The following SPAG9 variants were observed in gnomAD, a reference collection of about 807,000 sequenced individuals.
SPAG9 encodes C-Jun-amino-terminal kinase-interacting protein 4.
Under a neutral mutation model 166.5 loss-of-function variants are expected in SPAG9, and 35 were observed. That is an observed-to-expected ratio of 0.21 (90% CI 0.16 to 0.28). SPAG9 has a LOEUF of 0.28. SPAG9 is among the 10% of genes least tolerant of loss of function. The pLI, the probability that SPAG9 is intolerant of heterozygous loss-of-function variation, is 1.00. For missense variants in SPAG9, 1,235 were observed against 1,603.3 expected, an observed-to-expected ratio of 0.77 and a Z score of 3.92; for synonymous variants, 534 against 565.5, an observed-to-expected ratio of 0.94 and a Z score of 0.79.
intron 6 of SPAG9, among the ~76,000 whole-genome samples, chr17:51,026,954 A>T (rs2046204992): frequency 6.6e-6 from 1 of 151,768 alleles, no homozygotes; most frequent in African/African-American, 2.4e-5. Context: ...GGGTTTAGAG[A>T]TGTGAGCCAC....
At chr17:50,990,907 CTTT>C (rs893608311) in intron 19 of SPAG9, among the ~76,000 whole-genome samples, 223 of 136,910 alleles carry the variant, frequency 1.6e-3, no homozygotes, top group African/African-American at 5.7e-3. Flanking sequence ...AGAAAATAAA[CTTT>C]TTTTTTTTTT....
At chr17:50,970,356 A>C (rs766513290) in intron 29 of SPAG9, among the ~76,000 whole-genome samples, 1 of 152,066 alleles carries the variant, frequency 6.6e-6, no homozygotes, top group Non-Finnish European at 1.5e-5. Flanking sequence ...TCTACTGAAA[A>C]TACAGAAACT....
At chr17:50,993,095 CAA>C (rs71149332) in intron 19 of SPAG9, among the ~76,000 whole-genome samples, 929 of 75,496 alleles carry the variant, frequency 0.012, 6 homozygotes, top group African/African-American at 0.048. Flanking sequence ...GACTCCATCT[CAA>C]AAAAAAAAAA....
At chr17:51,094,180 G>A (rs1020134812) in intron 1 of SPAG9, among the ~76,000 whole-genome samples, 5 of 152,120 alleles carry the variant, frequency 3.3e-5, no homozygotes, top group African/African-American at 4.8e-5. Flanking sequence ...TGAAATCTGG[G>A]TTGCCAAGAG....
At chr17:50,984,121 T>C (rs760784437) in intron 24 of SPAG9, among the ~76,000 whole-genome samples, 2 of 152,170 alleles carry the variant, frequency 1.3e-5, no homozygotes, top group African/African-American at 2.4e-5. Context: ...TACGGAGGAA[T>C]ACATACTAAA....
chr17:51,013,291 G>A (rs947377099), intron 9 of SPAG9, among the ~76,000 whole-genome samples: 3 of 152,014 alleles, frequency 2.0e-5, no homozygotes, highest in Non-Finnish European at 4.4e-5. Context: ...TTTCTATAGG[G>A]TCCTAAGTTA....
chr17:51,102,659 C>T (rs1484991722), intron 1 of SPAG9, among the ~76,000 whole-genome samples: 1 of 151,824 alleles, frequency 6.6e-6, no homozygotes, highest in Non-Finnish European at 1.5e-5. Context: ...TGCACCACCA[C>T]ACCTGGCTAA....
chr17:51,079,462 C>A, intron 2 of SPAG9, 122 bp downstream of exon 2: 1 of 829,846 alleles, frequency 1.2e-6, no homozygotes, highest in South Asian at 1.9e-5. Flanking sequence ...TGGTCTTGAA[C>A]TCCTGAACCC....
intron 15 of SPAG9, 63 bp downstream of exon 15, chr17:50,998,381 C>G (rs925217703): frequency 9.0e-5 from 131 of 1,447,544 alleles, no homozygotes; most frequent in Admixed American, 1.5e-4. Context: ...TGATAAGAGG[C>G]CAAGAATATT....
intron 12 of SPAG9, among the ~76,000 whole-genome samples, chr17:51,004,738 A>C (rs2045123874): frequency 6.6e-6 from 1 of 152,170 alleles, no homozygotes; most frequent in Non-Finnish European, 1.5e-5. Flanking sequence ...TCAAAAAAAA[A>C]GACTAGGGGT....
At chr17:51,085,958 C>CTTT (rs1568073666) in intron 1 of SPAG9, among the ~76,000 whole-genome samples, 3 of 120,404 alleles carry the variant, frequency 2.5e-5, no homozygotes, top group African/African-American at 3.3e-5. Flanking sequence ...TCTTGGAAAT[C>CTTT]ATTTTTTTTT....
intron 1 of SPAG9, among the ~76,000 whole-genome samples, chr17:51,119,599 A>G (rs559753459): frequency 6.8e-4 from 103 of 152,306 alleles, no homozygotes; most frequent in Non-Finnish European, 1.1e-3. Context: ...AAGGAAACTC[A>G]GACGGAAAAA....
chr17:51,016,486 T>C (rs558630249), intron 8 of SPAG9, among the ~76,000 whole-genome samples: 1 of 152,356 alleles, frequency 6.6e-6, no homozygotes, highest in East Asian at 1.9e-4. Context: ...TTTGGTCATA[T>C]TGGGGACTTT....
chr17:51,115,573 G>C (rs563456267), intron 1 of SPAG9, among the ~76,000 whole-genome samples: 1 of 152,046 alleles, frequency 6.6e-6, no homozygotes, highest in Non-Finnish European at 1.5e-5. Flanking sequence ...GTTCACAGTG[G>C]CAATCCCAGC....
chr17:50,994,696 C>T (rs1290318702), intron 18 of SPAG9, among the ~76,000 whole-genome samples: 1 of 152,136 alleles, frequency 6.6e-6, no homozygotes, highest in Non-Finnish European at 1.5e-5. Context: ...CTGCAGTGAG[C>T]CATGATCATG....
At chr17:51,113,175 GAA>G (rs2049171988) in intron 1 of SPAG9, among the ~76,000 whole-genome samples, 1 of 147,710 alleles carries the variant, frequency 6.8e-6, no homozygotes, top group Non-Finnish European at 1.5e-5. Flanking sequence ...CCAACATGGA[GAA>G]ACCCCATCTT....
chr17:51,002,828 C>T (rs1216542272), intron 12 of SPAG9, among the ~76,000 whole-genome samples: 3 of 152,024 alleles, frequency 2.0e-5, no homozygotes, highest in Middle Eastern at 3.2e-3. Context: ...CGATGGTCCA[C>T]GCCTATAATC....
chr17:51,119,308 T>A (rs1484830102), intron 1 of SPAG9, among the ~76,000 whole-genome samples: 1 of 152,200 alleles, frequency 6.6e-6, no homozygotes, highest in Non-Finnish European at 1.5e-5. Context: ...CCTTCAATAA[T>A]TAGTTATTTC....
intron 2 of SPAG9, among the ~76,000 whole-genome samples, chr17:51,077,077 G>GTTAT (rs2048029017): frequency 8.6e-6 from 1 of 116,252 alleles, no homozygotes; most frequent in Non-Finnish European, 1.8e-5. Context: ...TAGCTATCTA[G>GTTAT]CTATCTAGCT....
Sources: gnomAD v4.1 joint callset for allele counts (sites outside exome capture counted in the v4.1 genomes callset) on GRCh38, gnomAD v4.1.1 for gene constraint, MANE v1.5 for transcripts, NCBI Gene and HGNC (gene_info 2026-07-23, HGNC 2026-07-21) for gene names.